The following LRRC69 variants were observed in gnomAD, a reference collection of about 807,000 sequenced individuals.
LRRC69 encodes the protein leucine rich repeat containing 69.
Under a neutral mutation model 37.8 loss-of-function variants are expected in LRRC69, and 42 were observed. The ratio of observed to expected loss-of-function variants is 1.11; its 90% CI spans 0.87 to 1.44. The LOEUF is 1.44. Among genes scored for constraint, LRRC69 ranks in the 40% most tolerant of loss-of-function variants. The pLI is 0.00. For synonymous variants in LRRC69, 141 were observed against 143.1 expected (o/e 0.99, Z 0.11); for missense variants, 357 against 401.9 (o/e 0.89, Z 0.96).
At chr8:91,142,365 A>G (rs1398039164) in intron 5 of LRRC69, among the ~76,000 whole-genome samples, 1 of 152,124 alleles carries the variant, frequency 6.6e-6, no homozygotes, top group Non-Finnish European at 1.5e-5. Flanking sequence ...CTACTTTTCA[A>G]ATTCACAAAA....
chr8:91,148,094 T>A (rs1808655935), intron 5 of LRRC69, among the ~76,000 whole-genome samples: 1 of 151,662 alleles, frequency 6.6e-6, no homozygotes, highest in Non-Finnish European at 1.5e-5. Context: ...CAATTTTTTT[T>A]ATTATACTTT....
At chr8:91,137,428 T>C (rs1358858062) in intron 5 of LRRC69, among the ~76,000 whole-genome samples, 1 of 152,062 alleles carries the variant, frequency 6.6e-6, no homozygotes, top group Non-Finnish European at 1.5e-5. Context: ...GAAAGAATAC[T>C]CTTTTTTTCC....
chr8:91,213,091 G>A (rs1445964082), intron 7 of LRRC69, among the ~76,000 whole-genome samples: 1 of 152,052 alleles, frequency 6.6e-6, no homozygotes, highest in African/African-American at 2.4e-5. Context: ...CTGAAGCTGT[G>A]TATCATCAAA....
intron 5 of LRRC69, chr8:91,139,018 C>T (rs1269369488): frequency 6.6e-6 from 1 of 150,742 alleles, no homozygotes; most frequent in East Asian, 1.9e-4. Context: ...GATCATACTC[C>T]AGCCTGGGCA....
At chr8:91,128,522 C>G (rs1380167872) in intron 3 of LRRC69, among the ~76,000 whole-genome samples, 1 of 151,920 alleles carries the variant, frequency 6.6e-6, no homozygotes, top group Non-Finnish European at 1.5e-5. Context: ...GGTCATCTCT[C>G]TAAGTAGAAT....
chr8:91,149,870 G>T (rs1271372166), intron 5 of LRRC69, among the ~76,000 whole-genome samples: 4 of 151,988 alleles, frequency 2.6e-5, no homozygotes, highest in African/African-American at 9.7e-5. Flanking sequence ...GTTCACTCAT[G>T]ATTTGGCTCT....
At chr8:91,213,154 T>C (rs1325746492) in intron 7 of LRRC69, among the ~76,000 whole-genome samples, 2 of 152,174 alleles carry the variant, frequency 1.3e-5, no homozygotes, top group Non-Finnish European at 2.9e-5. Context: ...CAGGGGGTGC[T>C]GTGGGAGAGC....
At chr8:91,172,749 G>A (rs1033904453) in intron 5 of LRRC69, among the ~76,000 whole-genome samples, 1 of 151,846 alleles carries the variant, frequency 6.6e-6, no homozygotes, top group Non-Finnish European at 1.5e-5. Flanking sequence ...TCCTGACCTC[G>A]TGATCAGCCC....
intron 7 of LRRC69, among the ~76,000 whole-genome samples, chr8:91,213,105 T>C (rs1809964299): frequency 6.6e-6 from 1 of 152,144 alleles, no homozygotes; most frequent in Non-Finnish European, 1.5e-5. Flanking sequence ...CATCAAAATG[T>C]TGAAAATTCC....
intron 6 of LRRC69, among the ~76,000 whole-genome samples, chr8:91,194,966 G>T (rs79719449): frequency 6.6e-6 from 1 of 152,028 alleles, no homozygotes; most frequent in African/African-American, 2.4e-5. Flanking sequence ...TTCCTGCTTT[G>T]TCTTGTGGGC....
At chr8:91,145,309 A>C (rs1245105542) in intron 5 of LRRC69, among the ~76,000 whole-genome samples, 1 of 151,938 alleles carries the variant, frequency 6.6e-6, no homozygotes, top group Non-Finnish European at 1.5e-5. Flanking sequence ...TCCACAATAT[A>C]GTGATTTCCT....
intron 5 of LRRC69, among the ~76,000 whole-genome samples, chr8:91,137,761 G>A (rs1177862899): frequency 6.6e-6 from 1 of 151,770 alleles, no homozygotes; most frequent in Non-Finnish European, 1.5e-5. Context: ...AATTATTTTG[G>A]TTCAACTGAT....
intron 3 of LRRC69, among the ~76,000 whole-genome samples, chr8:91,128,630 G>A (rs778129776): frequency 6.6e-6 from 1 of 151,944 alleles, no homozygotes; most frequent in Admixed American, 6.6e-5. Context: ...AAAATAAATC[G>A]GATTGTTTTG....
chr8:91,168,925 T>C (rs62526707), intron 5 of LRRC69, among the ~76,000 whole-genome samples: 70,299 of 151,640 alleles, frequency 0.46, 17,970 homozygotes, highest in South Asian at 0.65. Flanking sequence ...TGCTTTATAA[T>C]AGGAATCATA....
chr8:91,122,633 G>A (rs1813649032), intron 1 of LRRC69, among the ~76,000 whole-genome samples: 2 of 152,012 alleles, frequency 1.3e-5, no homozygotes. Context: ...CTTGTAAACT[G>A]GGTAAAATCT....
intron 7 of LRRC69, among the ~76,000 whole-genome samples, chr8:91,213,511 TA>T (rs1342968794): frequency 6.6e-6 from 1 of 152,186 alleles, no homozygotes. Flanking sequence ...GGGCCTGCTT[TA>T]AGCAGGGAAC....
chr8:91,215,916 A>G (rs933901780), intron 7 of LRRC69, among the ~76,000 whole-genome samples: 1 of 152,218 alleles, frequency 6.6e-6, no homozygotes, highest in African/African-American at 2.4e-5. Flanking sequence ...TGCCACAAAT[A>G]GAAATACAAA....
intron 1 of LRRC69, among the ~76,000 whole-genome samples, chr8:91,105,596 AG>A (rs1469590577): frequency 7.2e-6 from 1 of 139,664 alleles, no homozygotes; most frequent in Non-Finnish European, 1.5e-5. Flanking sequence ...GGAATGTGGG[AG>A]GTTGCAGTGA....
At chr8:91,105,588 A>T (rs1813297684) in intron 1 of LRRC69, among the ~76,000 whole-genome samples, 1 of 150,844 alleles carries the variant, frequency 6.6e-6, no homozygotes, top group African/African-American at 2.4e-5. Flanking sequence ...CTGAGCCCGG[A>T]ATGTGGGAGG....
Sources: gnomAD v4.1 joint callset for allele counts (sites outside exome capture counted in the v4.1 genomes callset) on GRCh38, gnomAD v4.1.1 for gene constraint, MANE v1.5 for transcripts, NCBI Gene and HGNC (gene_info 2026-07-23, HGNC 2026-07-21) for gene names.